CILK1: variants seen among roughly 807,000 people sequenced by gnomAD.
CILK1 encodes ciliogenesis associated kinase 1.
In CILK1, 47 loss-of-function variants were observed where a neutral mutation model predicts 79.2. That is an observed-to-expected ratio of 0.59 (90% CI 0.47 to 0.76). CILK1 has a LOEUF of 0.76. Ranked by LOEUF, CILK1 falls within the 30% of genes least tolerant of loss-of-function variation. The pLI, the probability that CILK1 is intolerant of heterozygous loss-of-function variation, is 0.00. For synonymous variants in CILK1, 266 were observed against 275.9 expected (o/e 0.96, Z 0.36); for missense variants, 660 against 769.5 (o/e 0.86, Z 1.68).
chr6:53,022,094 G>C (rs1313430214), intron 5 of CILK1, among the ~76,000 whole-genome samples: 2 of 152,058 alleles, frequency 1.3e-5, no homozygotes, highest in Non-Finnish European at 2.9e-5. Context: ...AAATATTTTT[G>C]TATAGCCATA....
intron 1 of CILK1, among the ~76,000 whole-genome samples, chr6:53,044,890 C>T (rs150578676): frequency 2.0e-5 from 3 of 152,162 alleles, no homozygotes. Flanking sequence ...CTTGGACTCT[C>T]CAGCCTCCAG....
At chr6:53,015,805 C>T (rs1478747211) in intron 8 of CILK1, among the ~76,000 whole-genome samples, 1 of 152,162 alleles carries the variant, frequency 6.6e-6, no homozygotes, top group Admixed American at 6.5e-5. Context: ...TCTCCAAAGA[C>T]AGATAAATAT....
chr6:53,018,584 G>C (rs1399072516), intron 6 of CILK1, 83 bp from the exon 7 acceptor site: 4 of 1,335,886 alleles, frequency 3.0e-6, no homozygotes, highest in Non-Finnish European at 3.2e-6. Context: ...TCAGTGAGGG[G>C]GTGTATATGT....
chr6:53,046,143 T>A (rs561504790), intron 1 of CILK1, among the ~76,000 whole-genome samples: 4 of 152,250 alleles, frequency 2.6e-5, no homozygotes, highest in Non-Finnish European at 4.4e-5. Flanking sequence ...CTTAATTACA[T>A]GACCTTTTCT....
At chr6:53,039,485 C>T (rs1357580286) in intron 2 of CILK1, among the ~76,000 whole-genome samples, 1 of 152,122 alleles carries the variant, frequency 6.6e-6, no homozygotes, top group African/African-American at 2.4e-5. Flanking sequence ...GGGCAAGGAG[C>T]AGGAGACTGA....
chr6:53,007,032 G>A (rs928951173), intron 12 of CILK1, among the ~76,000 whole-genome samples: 5 of 152,164 alleles, frequency 3.3e-5, no homozygotes, highest in Admixed American at 6.5e-5. Context: ...TATGCTACTC[G>A]TCTTGGTATT....
intron 1 of CILK1, among the ~76,000 whole-genome samples, chr6:53,049,291 T>G (rs1231637540): frequency 6.6e-6 from 1 of 152,184 alleles, no homozygotes; most frequent in Non-Finnish European, 1.5e-5. Context: ...AAATACAAAA[T>G]TCTCTACAGG....
chr6:53,046,997 G>C lies in CILK1; in HGVS notation c.-172-5589C>G, dbSNP rs1767120436. Among the ~76,000 whole-genome samples, 4 of 152,206 alleles carry C rather than the reference G, an allele frequency of 2.6e-5. 1 individual carries two copies. Among genetic ancestry groups the C allele is most frequent in the South Asian group, 4.1e-4 (2 of 4,828 alleles). ...AAAATGTTGGCGAATACAAGAGCTT[G>C]GTGTGTTCACAAGAGGGCAGGCACA... On this transcript the variant is annotated intron_variant, in intron 1 of 13. Transcript: ENST00000676107.
At chr6:53,040,576 C>T (rs1036002038) in intron 2 of CILK1, among the ~76,000 whole-genome samples, 2 of 152,208 alleles carry the variant, frequency 1.3e-5, no homozygotes, top group African/African-American at 2.4e-5. Context: ...TTGACTACAG[C>T]CTCATGAGAG....
intron 5 of CILK1, among the ~76,000 whole-genome samples, chr6:53,030,549 C>T (rs1581721784): frequency 6.6e-6 from 1 of 152,210 alleles, no homozygotes; most frequent in Admixed American, 6.5e-5. Context: ...TGAGGACTAA[C>T]CTCACCTCTG....
chr6:53,016,369 A>G (rs1286717228), intron 7 of CILK1, 119 bp from the exon 8 acceptor site: 2 of 888,604 alleles, frequency 2.3e-6, no homozygotes, highest in Non-Finnish European at 1.9e-6. Flanking sequence ...CACATTCATT[A>G]ACCACCCACA....
chr6:53,059,267 T>C (rs1419783729), intron 1 of CILK1, among the ~76,000 whole-genome samples: 1 of 152,136 alleles, frequency 6.6e-6, no homozygotes, highest in South Asian at 2.1e-4. Context: ...AGATTAATAG[T>C]AGGAGAATTA....
intron 9 of CILK1, 32 bp downstream of exon 9, chr6:53,013,630 A>T (rs759140546): frequency 3.8e-6 from 6 of 1,598,368 alleles, no homozygotes; most frequent in Non-Finnish European, 4.3e-6. Flanking sequence ...ATAAACAGAC[A>T]CGAAGCTCAC....
chr6:53,058,576 T>G (rs909214600), intron 1 of CILK1, among the ~76,000 whole-genome samples: 1 of 152,146 alleles, frequency 6.6e-6, no homozygotes, highest in African/African-American at 2.4e-5. Context: ...GCATTCTCCC[T>G]GATTCAACCA....
At chr6:53,009,856 TC>T (rs1339191609) in intron 11 of CILK1, among the ~76,000 whole-genome samples, 2 of 152,156 alleles carry the variant, frequency 1.3e-5, no homozygotes, top group African/African-American at 4.8e-5. Context: ...ATGCTGTTCT[TC>T]CCCTTCACAG....
intron 1 of CILK1, among the ~76,000 whole-genome samples, chr6:53,050,709 T>A (rs1767423331): frequency 6.6e-6 from 1 of 151,606 alleles, no homozygotes; most frequent in Non-Finnish European, 1.5e-5. Context: ...CTGTAGTTAG[T>A]CCTAGCTACT....
intron 3 of CILK1, among the ~76,000 whole-genome samples, chr6:53,034,907 G>A (rs568715372): frequency 4.6e-5 from 7 of 152,176 alleles, no homozygotes; most frequent in African/African-American, 1.7e-4. Flanking sequence ...GGGAGGGAGC[G>A]GGCATGTCAG....
intron 8 of CILK1, among the ~76,000 whole-genome samples, chr6:53,014,845 T>A (rs527718393): frequency 5.8e-4 from 89 of 152,340 alleles, no homozygotes; most frequent in African/African-American, 2.1e-3. Flanking sequence ...CTTAAAAGCA[T>A]ACATTCCTCT....
chr6:53,047,842 G>C (rs567890155), intron 1 of CILK1, among the ~76,000 whole-genome samples: 5 of 152,060 alleles, frequency 3.3e-5, no homozygotes, highest in South Asian at 2.1e-4. Flanking sequence ...GTTTGAGATA[G>C]GGAATGTGTG....
Sources: allele counts gnomAD v4.1 joint callset (sites outside exome capture counted in the v4.1 genomes callset), GRCh38; gene constraint gnomAD v4.1.1; transcripts MANE v1.5; gene names NCBI Gene and HGNC (gene_info 2026-07-23, HGNC 2026-07-21).